DMGDH: variants seen among roughly 807,000 people sequenced by gnomAD.
DMGDH encodes the protein dimethylglycine dehydrogenase.
DMGDH carries 76 observed loss-of-function variants against 95.2 expected under a neutral mutation model. The ratio of observed to expected loss-of-function variants is 0.80; its 90% CI spans 0.66 to 0.97. The LOEUF (loss-of-function observed/expected upper bound fraction) is 0.97, where lower values mean the gene tolerates loss of function less well. DMGDH is among the 50% of genes least tolerant of loss of function. The pLI is 0.00. For synonymous variants in DMGDH, 345 were observed against 377.6 expected (o/e 0.91, Z 1.00); for missense variants, 987 against 1,055.0 (o/e 0.94, Z 0.89).
chr5:79,040,476 C>G (rs1022879052), intron 7 of DMGDH, among the ~76,000 whole-genome samples: 6 of 152,146 alleles, frequency 3.9e-5, no homozygotes, highest in Non-Finnish European at 8.8e-5. Context: ...GATTACAGAA[C>G]TAAATGCAAA....
At chr5:79,026,259 G>C (rs1304051745) in intron 13 of DMGDH, among the ~76,000 whole-genome samples, 165 bp downstream of exon 13, 1 of 152,168 alleles carries the variant, frequency 6.6e-6, no homozygotes, top group African/African-American at 2.4e-5. Flanking sequence ...ACTTTCACTT[G>C]AGAAATTAAG....
At chr5:79,025,587 A>G (rs1753977748) in intron 13 of DMGDH, among the ~76,000 whole-genome samples, 1 of 152,222 alleles carries the variant, frequency 6.6e-6, no homozygotes, top group Non-Finnish European at 1.5e-5. Flanking sequence ...CATTTTTTAG[A>G]AAAGTAAACA....
intron 2 of DMGDH, among the ~76,000 whole-genome samples, chr5:79,057,490 G>A (rs1020967450): frequency 2.0e-5 from 3 of 151,324 alleles, no homozygotes; most frequent in East Asian, 1.9e-4. Context: ...TCCAGTACTT[G>A]TTCAAACATC....
intron 14 of DMGDH, chr5:79,021,132 C>T (rs1383547756): frequency 1.0e-6 from 1 of 986,976 alleles, no homozygotes. Context: ...AGTACAGATT[C>T]AATTATTTTT....
intron 5 of DMGDH, among the ~76,000 whole-genome samples, chr5:79,050,262 AAAAAAAAAAAAATATATATAT>A (rs1356833414): frequency 4.6e-5 from 3 of 65,216 alleles, no homozygotes; most frequent in African/African-American, 1.6e-4. Context: ...AAAAAAAAAA[AAAAAAAAAAAAATATATATAT>A]ATATATATAT....
At chr5:79,042,197 C>T in intron 7 of DMGDH, 86 bp downstream of exon 7, 3 of 1,283,686 alleles carry the variant, frequency 2.3e-6, no homozygotes, top group South Asian at 2.5e-5. Flanking sequence ...TCCCACATTT[C>T]CCTTTTGCAT....
chr5:79,021,560 TTCTTTTCCC>T, intron 14 of DMGDH: 1 of 1,292,002 alleles, frequency 7.7e-7, no homozygotes, highest in Non-Finnish European at 1.0e-6. Flanking sequence ...TACTCCATTG[TTCTTTTCCC>T]TACTTGCTGA....
chr5:79,044,598 C>T (rs1754617126), intron 5 of DMGDH, 46 bp from the exon 6 acceptor site: 2 of 1,604,470 alleles, frequency 1.2e-6, no homozygotes, highest in Non-Finnish European at 8.5e-7. Context: ...TATATAAACA[C>T]ATAACTGACA....
At chr5:79,008,498 C>T (rs1379703363) in intron 14 of DMGDH, among the ~76,000 whole-genome samples, 2 of 152,186 alleles carry the variant, frequency 1.3e-5, no homozygotes, top group Non-Finnish European at 2.9e-5. Flanking sequence ...TTCGCCTACT[C>T]TGAACAGCCC....
intron 8 of DMGDH, 129 bp downstream of exon 8, chr5:79,033,110 G>T: frequency 8.5e-7 from 1 of 1,172,492 alleles, no homozygotes. Flanking sequence ...TATGTCTCAG[G>T]GGCACAATGC....
At chr5:79,005,749 G>A (rs1474143469) in intron 14 of DMGDH, among the ~76,000 whole-genome samples, 6 of 152,092 alleles carry the variant, frequency 3.9e-5, no homozygotes, top group Admixed American at 6.5e-5. Flanking sequence ...ACGGGCTGTC[G>A]GTAAGCAATG....
rs202241708 is a variant in DMGDH, at chr5:78,998,117, G to A, written c.2566C>T (p.Arg856Trp). 147 of 1,614,096 alleles carry A rather than the reference G, an allele frequency of 9.1e-5. 1 individual carries two copies. In the East Asian group the frequency reaches 2.5e-3, roughly 28 times the overall value. The change falls in exon 16 of 16, where the codon CGG (arginine) becomes TGG (tryptophan). Residue 856 changes from arginine to tryptophan, a missense_variant. Arg to Trp is a moderately radical substitution (Grantham distance 101). Coordinates refer to ENST00000255189, the MANE Select transcript of DMGDH (RefSeq NM_013391.3). ...TCCTTTCCACCTTTTTTCTGAAGCC[G>A]GTTTCTGGTTGGTTCGGTCAATACC... ...PLVLTEPTRN[R>W]LQKKGGKDKT
intron 14 of DMGDH, among the ~76,000 whole-genome samples, chr5:79,019,892 A>C (rs1307216776): frequency 1.3e-5 from 2 of 152,106 alleles, no homozygotes; most frequent in African/African-American, 2.4e-5. Flanking sequence ...CTCAATAAAA[A>C]TAGTTAGATA....
rs200125302 is a variant in DMGDH, at chr5:78,998,090, T to C, written c.2593A>G (p.Lys865Glu). The change falls in exon 16 of 16, where the codon AAA (lysine) becomes GAA (glutamate). Residue 865 changes from lysine (K) to glutamate (E), a missense_variant. By Grantham distance (56) the Lys-to-Glu change is moderately conservative (BLOSUM62 1). Coordinates refer to ENST00000255189, the MANE Select transcript of DMGDH (RefSeq NM_013391.3). ...CTGCTGAAGGTCTTTTTTCAAGTTT[T>C]GTCCTTTCCACCTTTTTTCTGAAGC... ...NRLQKKGGKD[K>E]T 6.2e-7 allele frequency: 1 copy of C among 1,614,236 alleles called. No individual in the cohort carries two copies. Among genetic ancestry groups the C allele is most frequent in the Non-Finnish European group, 8.5e-7 (1 of 1,180,042 alleles).
rs1753985471 is a variant in DMGDH, at chr5:79,025,801, TAGG to T, written c.2190+620_2190+622del. Among the ~76,000 whole-genome samples, 3 of 152,150 alleles carry T rather than the reference TAGG, an allele frequency of 2.0e-5. 1 individual carries two copies. In the South Asian group the frequency reaches 6.2e-4, roughly 32 times the overall value. ...ATAGCCTGCCATATTGGAAATAAAG[TAGG>T]AGAACAGAGTTTAAACCACAGGCTG... is the stretch of plus-strand genomic sequence containing the variant. On this transcript the variant is annotated intron_variant, in intron 13 of 15. Transcript: ENST00000255189.
At chr5:79,040,016 A>G (rs76247511) in intron 7 of DMGDH, among the ~76,000 whole-genome samples, 10,561 of 152,228 alleles carry the variant, frequency 0.069, 492 homozygotes, top group Middle Eastern at 0.12. Flanking sequence ...TTATAATAAA[A>G]GAGTAAACAT....
At position 79,042,399 on chromosome 5, in the gene DMGDH, C is replaced by T. The variant is rs1367152995; in HGVS notation, c.1077G>A (p.Leu359=). The stretch of plus-strand genomic sequence containing the variant: ...CAACATTGATGATGTCAGCCTTTTT[C>T]AAGACAGGAACCATTTCCATGGCAG... The part of the protein sequence containing the change: ...IKAAMEMVPV[L]KKADIINVVN... The change falls in exon 7 of 16, where the codon TTG becomes TTA. Residue 359 remains leucine (L), a synonymous_variant. Coordinates refer to ENST00000255189, the MANE Select transcript of DMGDH (RefSeq NM_013391.3). 3 of 1,614,158 alleles carry T rather than the reference C, an allele frequency of 1.9e-6. No individual in the cohort carries two copies. Among genetic ancestry groups the T allele is most frequent in the Non-Finnish European group, 2.5e-6 (3 of 1,180,024 alleles).
intron 10 of DMGDH, 90 bp downstream of exon 10, chr5:79,030,743 A>G: frequency 7.2e-7 from 1 of 1,379,648 alleles, no homozygotes. Context: ...GTGTTCATCC[A>G]GAAATCATTA....
chr5:78,997,824 T>C lies in DMGDH; in HGVS notation c.*258A>G. 1 of 483,148 alleles carries C rather than the reference T, an allele frequency of 2.1e-6. No individual in the cohort carries two copies. Among genetic ancestry groups the C allele is most frequent in the Non-Finnish European group, 3.7e-6 (1 of 268,696 alleles). 29.9% of individuals were successfully genotyped at this position (483,148 alleles called of 1,614,324 possible). A position where few individuals can be genotyped will look rare whatever the true frequency, so the allele number is the denominator to read the frequency against. ...ATTAGCAAACACCTAAATGTTTTAC[T>C]GATTGGGTAATGTGGGGTAAATAAA... On this transcript the variant is annotated 3_prime_UTR_variant, in exon 16 of 16. Coordinates refer to ENST00000255189, the MANE Select transcript of DMGDH (RefSeq NM_013391.3).
Sources: gnomAD v4.1 joint callset for allele counts (sites outside exome capture counted in the v4.1 genomes callset) on GRCh38, gnomAD v4.1.1 for gene constraint, MANE v1.5 for transcripts, NCBI Gene and HGNC (gene_info 2026-07-23, HGNC 2026-07-21) for gene names.